ADGRL3: variants seen among roughly 807,000 people sequenced by gnomAD.
The protein encoded by ADGRL3 is adhesion G protein-coupled receptor L3, also known as calcium-independent alpha-latrotoxin receptor 3.
Under a neutral mutation model 153.5 loss-of-function variants are expected in ADGRL3, and 62 were observed. The observed-to-expected ratio is 0.40, with a 90% CI of 0.33 to 0.50. The LOEUF is 0.50. Among genes scored for constraint, ADGRL3 ranks in the 20% least tolerant of loss-of-function variants. The pLI, the probability that ADGRL3 is intolerant of heterozygous loss-of-function variation, is 0.47. For synonymous variants in ADGRL3, 710 were observed against 672.5 expected (o/e 1.06, Z -0.86); for missense variants, 1,641 against 1,859.4 (o/e 0.88, Z 2.16).
At chr4:61,600,120 C>T (rs951828867) in intron 5 of ADGRL3, among the ~76,000 whole-genome samples, 2 of 151,712 alleles carry the variant, frequency 1.3e-5, no homozygotes, top group Non-Finnish European at 2.9e-5. Context: ...CCATCCTGGC[C>T]AACATGATGA....
intron 1 of ADGRL3, among the ~76,000 whole-genome samples, chr4:61,291,601 TATACACACACATATATATATATATAA>T (rs1375300796): frequency 4.2e-3 from 49 of 11,704 alleles, no homozygotes; most frequent in Non-Finnish European, 6.9e-3. Context: ...TATATATATA[TATACACACACATATATATATATATAA>T]AATATTTATT....
At chr4:61,916,011 C>T (rs755564467) in intron 13 of ADGRL3, among the ~76,000 whole-genome samples, 18 of 151,892 alleles carry the variant, frequency 1.2e-4, no homozygotes, top group South Asian at 2.1e-4. Flanking sequence ...CTTAGAAGTT[C>T]AGTGTCTATT....
chr4:62,044,482 G>C lies in ADGRL3; in HGVS notation c.3747G>C (p.Thr1249=). ...GAATCCGTAGAATGTGGAATGACAC[G>C]GTTCGAAAGCAGTCAGAGTCTTCCT... is the stretch of plus-strand genomic sequence containing the variant. ...QSRIRRMWND[T]VRKQSESSFI... is the part of the protein sequence containing the mutation. The change falls in exon 25 of 27, where the codon ACG becomes ACC. Residue 1249 remains threonine (T), a synonymous_variant. Coordinates refer to ENST00000683033, the MANE Select transcript of ADGRL3 (RefSeq NM_001387552.1). 2 of 1,596,420 alleles carry C rather than the reference G, an allele frequency of 1.3e-6. No individual in the cohort carries two copies.
At chr4:61,436,502 T>C (rs988429299) in intron 2 of ADGRL3, among the ~76,000 whole-genome samples, 1 of 152,074 alleles carries the variant, frequency 6.6e-6, no homozygotes, top group Non-Finnish European at 1.5e-5. Flanking sequence ...GACTTGTAAA[T>C]AAATTGTTAC....
At position 62,066,576 on chromosome 4, in the gene ADGRL3, G is replaced by A. The variant is rs1743098620; in HGVS notation, c.3815-1590G>A. ...GTATTAGGAATTTAATTTTTGTAAA[G>A]ATAAATCACATTATACAAAAACCTG... On this transcript the variant is annotated intron_variant, in intron 25 of 26. Transcript: ENST00000683033. Among the ~76,000 whole-genome samples, 2 of 151,930 alleles carry A rather than the reference G, an allele frequency of 1.3e-5. 1 individual carries two copies. The highest frequency in any genetic ancestry group is 4.1e-4 in the South Asian group (2 of 4,830).
chr4:61,572,432 AG>A (rs2098842782), intron 4 of ADGRL3, among the ~76,000 whole-genome samples: 1 of 152,150 alleles, frequency 6.6e-6, no homozygotes, highest in African/African-American at 2.4e-5. Context: ...ACCAGTTTAT[AG>A]CATAGTCTGT....
chr4:61,594,418 A>G (rs910302145), intron 5 of ADGRL3, among the ~76,000 whole-genome samples: 2 of 152,128 alleles, frequency 1.3e-5, no homozygotes, highest in African/African-American at 2.4e-5. Flanking sequence ...TAGTCTTTAC[A>G]GTCTGGGCTT....
chr4:61,414,315 C>T (rs888264031), intron 2 of ADGRL3, among the ~76,000 whole-genome samples: 1 of 152,174 alleles, frequency 6.6e-6, no homozygotes, highest in Non-Finnish European at 1.5e-5. Context: ...CAATGCTTCT[C>T]AAACGTAAGA....
chr4:61,634,220 C>T (rs1190516658), intron 5 of ADGRL3, among the ~76,000 whole-genome samples: 1 of 152,062 alleles, frequency 6.6e-6, no homozygotes, highest in East Asian at 1.9e-4. Flanking sequence ...TAAATCACCC[C>T]TGAATTATAG....
intron 17 of ADGRL3, among the ~76,000 whole-genome samples, chr4:61,966,235 A>G (rs1440475632): frequency 1.3e-5 from 2 of 152,206 alleles, no homozygotes; most frequent in African/African-American, 4.8e-5. Context: ...ATAGGTACCC[A>G]ATAAATATTC....
At chr4:61,607,472 C>T (rs564301649) in intron 5 of ADGRL3, among the ~76,000 whole-genome samples, 78 of 152,090 alleles carry the variant, frequency 5.1e-4, no homozygotes, top group South Asian at 3.5e-3. Context: ...TGGTGGTGCA[C>T]GCCTGTAGTC....
chr4:61,665,454 A>G (rs2094759512), intron 5 of ADGRL3, among the ~76,000 whole-genome samples: 1 of 152,006 alleles, frequency 6.6e-6, no homozygotes, highest in Admixed American at 6.6e-5. Context: ...AACATGGTAG[A>G]GCTTTACTTT....
chr4:61,571,275 G>C (rs981844876), intron 4 of ADGRL3, among the ~76,000 whole-genome samples: 2 of 151,288 alleles, frequency 1.3e-5, no homozygotes, highest in African/African-American at 4.9e-5. Context: ...AGGAGTTTCA[G>C]ACTAGCCTGC....
chr4:61,620,986 A>G (rs1163789978), intron 5 of ADGRL3, among the ~76,000 whole-genome samples: 1 of 151,966 alleles, frequency 6.6e-6, no homozygotes, highest in African/African-American at 2.4e-5. Flanking sequence ...TTATGAACAG[A>G]TTTTATGATT....
At chr4:61,920,242 C>T (rs2098762505) in intron 13 of ADGRL3, among the ~76,000 whole-genome samples, 1 of 152,074 alleles carries the variant, frequency 6.6e-6, no homozygotes, top group Non-Finnish European at 1.5e-5. Flanking sequence ...TCTTTAATAG[C>T]TTGATGATTA....
chr4:61,236,513 A>G (rs538783413), intron 1 of ADGRL3, among the ~76,000 whole-genome samples: 1 of 152,080 alleles, frequency 6.6e-6, no homozygotes, highest in South Asian at 2.1e-4. Context: ...ACTACATATG[A>G]ATATTATTCT....
At chr4:61,381,335 T>G (rs200430047) in intron 1 of ADGRL3, among the ~76,000 whole-genome samples, 3 of 75,938 alleles carry the variant, frequency 4.0e-5, no homozygotes, top group East Asian at 8.0e-4. Flanking sequence ...GTGTGTGTGT[T>G]TAATTAAGAA....
chr4:61,857,013 TTTCCTTCCTCCCTTCC>T (rs2098281059), intron 9 of ADGRL3, among the ~76,000 whole-genome samples: 1 of 139,696 alleles, frequency 7.2e-6, no homozygotes, highest in Non-Finnish European at 1.5e-5. Flanking sequence ...TCTTTCTTTC[TTTCCTTCCTCCCTTCC>T]TTCCTTCCTT....
chr4:61,702,067 G>A (rs1276022378), intron 6 of ADGRL3, among the ~76,000 whole-genome samples: 1 of 152,154 alleles, frequency 6.6e-6, no homozygotes, highest in Non-Finnish European at 1.5e-5. Context: ...TACTGAGGAA[G>A]GGGTCACTTG....
Sources: gnomAD v4.1 joint callset for allele counts (sites outside exome capture counted in the v4.1 genomes callset) on GRCh38, gnomAD v4.1.1 for gene constraint, MANE v1.5 for transcripts, NCBI Gene and HGNC (gene_info 2026-07-23, HGNC 2026-07-21) for gene names.